CLGN: variants seen among roughly 807,000 people sequenced by gnomAD.
CLGN encodes testis tissue sperm-binding protein Li 79P.
Under a neutral mutation model 79.1 loss-of-function variants are expected in CLGN, and 62 were observed. That is an observed-to-expected ratio of 0.78 (90% CI 0.64 to 0.97). CLGN has a LOEUF of 0.97. Ranked by LOEUF, CLGN falls within the 50% of genes least tolerant of loss-of-function variation. The pLI, the probability that CLGN is intolerant of heterozygous loss-of-function variation, is 0.00. For synonymous variants in CLGN, 225 were observed against 224.7 expected (o/e 1.00, Z -0.01); for missense variants, 647 against 715.5 (o/e 0.90, Z 1.09).
At chr4:140,392,158 C>T (rs1578897761) in intron 13 of CLGN, 61 bp downstream of exon 13, 7 of 1,545,158 alleles carry the variant, frequency 4.5e-6, no homozygotes, top group Non-Finnish European at 6.2e-6. Flanking sequence ...ATTTCAAGGC[C>T]ATATACAGTT....
rs1446674018 is a variant in CLGN, at chr4:140,396,905, A to ATATG, written c.885-701_885-700insCATA. Among the ~76,000 whole-genome samples, 10 of 39,534 alleles carry ATATG rather than the reference A, an allele frequency of 2.5e-4. 1 individual carries two copies. Among genetic ancestry groups the ATATG allele is most frequent in the Admixed American group, 6.6e-4 (3 of 4,570 alleles). 25.9% of individuals were successfully genotyped at this position (39,534 alleles called of 152,430 possible). A position where few individuals can be genotyped will look rare whatever the true frequency, so the allele number is the denominator to read the frequency against. On this transcript the variant is annotated intron_variant, in intron 8 of 14. Transcript: ENST00000325617. Reference sequence around the variant, plus strand: ...TATATATATATGTATATATATATATATGTATATATATATATATACACATAT... The same window carrying ATATG: ...TATATATATATGTATATATATATATATATGTGTATATATATATATATACACATAT...
chr4:140,420,186 A>G (rs1384595278), intron 1 of CLGN, among the ~76,000 whole-genome samples: 1 of 152,140 alleles, frequency 6.6e-6, no homozygotes, highest in Non-Finnish European at 1.5e-5. Context: ...GCCAAGAAAG[A>G]GTTAAGAGGA....
rs1319377698 is a variant in CLGN at position 140,408,882 on chromosome 4, T to TACAC, written c.277+954_277+955insGTGT. ...AAGCATATATATATATATATATATA[T>TACAC]ATACACACACACACATATATATACA... On this transcript the variant is annotated intron_variant, in intron 4 of 14. Transcript: ENST00000325617. Among the ~76,000 whole-genome samples, 278 of 134,640 alleles carry TACAC rather than the reference T, an allele frequency of 2.1e-3. 1 individual carries two copies. Among genetic ancestry groups the TACAC allele is most frequent in the East Asian group, 0.02 (83 of 4,122 alleles). The allele number at this position is 134,640 out of a possible 152,430, so 88.3% of individuals were successfully genotyped here.
intron 8 of CLGN, 116 bp from the exon 9 acceptor site, chr4:140,396,321 G>T: frequency 1.1e-6 from 1 of 890,002 alleles, no homozygotes; most frequent in Non-Finnish European, 1.7e-6. Context: ...CCTGTTATTT[G>T]TCCTCATCTA....
At chr4:140,416,553 C>A (rs1315246166) in intron 1 of CLGN, among the ~76,000 whole-genome samples, 3 of 151,862 alleles carry the variant, frequency 2.0e-5, no homozygotes, top group Non-Finnish European at 1.5e-5. Context: ...AAACTACCAT[C>A]AGAGAATACT....
At chr4:140,405,173 A>AT (rs1491076379) in intron 5 of CLGN, among the ~76,000 whole-genome samples, 13 of 24,996 alleles carry the variant, frequency 5.2e-4, no homozygotes, top group Non-Finnish European at 1.2e-3. Flanking sequence ...AATTTTTTTT[A>AT]TTTTTATTTT....
At chr4:140,422,455 T>C (rs1729488911) in intron 1 of CLGN, among the ~76,000 whole-genome samples, 1 of 152,250 alleles carries the variant, frequency 6.6e-6, no homozygotes, top group Non-Finnish European at 1.5e-5. Flanking sequence ...TCATAATTTT[T>C]CATGTACAAG....
intron 1 of CLGN, among the ~76,000 whole-genome samples, chr4:140,421,813 A>AT (rs1214192835): frequency 1.3e-5 from 2 of 151,902 alleles, no homozygotes; most frequent in East Asian, 1.9e-4. Context: ...CAATTTATAT[A>AT]TTTTTTCTTT....
chr4:140,419,024 T>G (rs1729405520), intron 1 of CLGN, among the ~76,000 whole-genome samples: 2 of 152,144 alleles, frequency 1.3e-5, no homozygotes, highest in Admixed American at 1.3e-4. Flanking sequence ...TATGCAGCCA[T>G]AAAAAATGAT....
rs1233608196 is a variant in CLGN at position 140,395,917 on chromosome 4, A to G, written c.1051T>C (p.Cys351Arg). ...WEAPQILNPA[C>R]RIGCGEWKPP... ...TTCCACTCACCACACCCAATCCGAC[A>G]TGCTGGATTAAGAATCTGAGGTGCC... Residue 351 changes from cysteine to arginine, a missense_variant, in exon 10 of 15, where the codon TGT becomes CGT. Physicochemically the swap from Cys to Arg is radical, Grantham distance 180. Coordinates refer to ENST00000325617, the MANE Select transcript of CLGN (RefSeq NM_004362.3). 6.2e-7 allele frequency: 1 copy of G among 1,604,714 alleles called. No homozygotes were observed. Among genetic ancestry groups the G allele is most frequent in the Admixed American group, 1.7e-5 (1 of 57,894 alleles).
At chr4:140,414,668 T>G (rs2126630412) in intron 1 of CLGN, among the ~76,000 whole-genome samples, 1 of 144,488 alleles carries the variant, frequency 6.9e-6, no homozygotes, top group African/African-American at 2.6e-5. Context: ...TAAAAAGAAA[T>G]GAGCAAAGCC....
intron 6 of CLGN, among the ~76,000 whole-genome samples, chr4:140,401,150 C>T (rs1285502551): frequency 1.3e-5 from 2 of 152,146 alleles, no homozygotes; most frequent in Non-Finnish European, 1.5e-5. Flanking sequence ...CATTTCATCA[C>T]CTCTGAAGTA....
chr4:140,403,394 G>A lies in CLGN; in HGVS notation c.420-1328C>T, dbSNP rs559512341. On this transcript the variant is annotated intron_variant, in intron 5 of 14. Coordinates refer to ENST00000325617, the MANE Select transcript of CLGN (RefSeq NM_004362.3). ...AAAATGCTTCTATGATAATCAGAAG[G>A]AAGGTATTCTTTCGTTCTTTTTCAT... Among the ~76,000 whole-genome samples the A allele has an allele frequency of 3.3e-5, 5 of 152,298 alleles. No homozygotes were observed. The South Asian group carries it at 1.0e-3, about 32-fold the overall frequency.
intron 1 of CLGN, among the ~76,000 whole-genome samples, chr4:140,413,334 C>G (rs1185397569): frequency 1.3e-5 from 2 of 152,102 alleles, no homozygotes; most frequent in Non-Finnish European, 2.9e-5. Context: ...GGCACAAAAT[C>G]TAAAGATGGG....
chr4:140,417,888 C>T (rs1366538177), intron 1 of CLGN, among the ~76,000 whole-genome samples: 154 of 151,664 alleles, frequency 1.0e-3, no homozygotes, highest in South Asian at 6.3e-4. Context: ...GAGCCCGCAT[C>T]GCCAAGTCAA....
chr4:140,399,132 G>A, intron 7 of CLGN, 92 bp from the exon 8 acceptor site: 1 of 1,040,382 alleles, frequency 9.6e-7, no homozygotes, highest in Non-Finnish European at 1.3e-6. Context: ...TTAACTCCAT[G>A]GGTAAAGCTT....
chr4:140,412,299 G>T (rs1249107394), intron 2 of CLGN, among the ~76,000 whole-genome samples: 1 of 152,058 alleles, frequency 6.6e-6, no homozygotes, highest in Admixed American at 6.5e-5. Flanking sequence ...TACAATTAAT[G>T]CTTTCTCACC....
chr4:140,411,662 C>T (rs138536786), intron 2 of CLGN, among the ~76,000 whole-genome samples: 29 of 152,128 alleles, frequency 1.9e-4, no homozygotes, highest in African/African-American at 7.0e-4. Flanking sequence ...CACTTCCTGT[C>T]TGTTTAAGGG....
Position 140,389,182 on chromosome 4 carries a change from G to A in CLGN, c.*42C>T. On this transcript the variant is annotated 3_prime_UTR_variant, in exon 15 of 15. Coordinates refer to ENST00000325617, the MANE Select transcript of CLGN (RefSeq NM_004362.3). ...GGTCTGGCATGCTGATTTTTACAAT[G>A]CCAAACATCCCTCTCGGGAATTAAA... 1 of 1,523,596 alleles carries A rather than the reference G, an allele frequency of 6.6e-7. No homozygotes were observed. Among genetic ancestry groups the A allele is most frequent in the Non-Finnish European group, 9.1e-7 (1 of 1,099,382 alleles). 94.4% of individuals were successfully genotyped at this position (1,523,596 alleles called of 1,614,324 possible).
Sources: gnomAD v4.1 joint callset for allele counts (sites outside exome capture counted in the v4.1 genomes callset) on GRCh38, gnomAD v4.1.1 for gene constraint, MANE v1.5 for transcripts, NCBI Gene and HGNC (gene_info 2026-07-23, HGNC 2026-07-21) for gene names.